The following MST1R variants were observed in gnomAD, a reference collection of about 807,000 sequenced individuals.
The protein encoded by MST1R is macrophage-stimulating protein receptor.
In MST1R, 99 loss-of-function variants were observed where a neutral mutation model predicts 117.8. The observed-to-expected ratio is 0.84, with a 90% CI of 0.71 to 0.99. The LOEUF (loss-of-function observed/expected upper bound fraction) is 0.99, where lower values mean the gene tolerates loss of function less well. Among genes scored for constraint, MST1R ranks in the 50% least tolerant of loss-of-function variants. The pLI is 0.00. For missense variants in MST1R, 1,683 were observed against 1,840.2 expected (o/e 0.91, Z 1.56); for synonymous variants, 734 against 765.3 (o/e 0.96, Z 0.68).
rs2082341877 is a variant in MST1R at position 49,892,436 on chromosome 3, A to G, written c.3272-598T>C. On this transcript the variant is annotated intron_variant, in intron 14 of 19. Coordinates refer to ENST00000296474, the MANE Select transcript of MST1R (RefSeq NM_002447.4). Reference sequence around the variant, plus strand: ...CAGCTGCTTGGGAGCCTGAGGCAGGAGGATAGCTTGAACCCGGGAGGCAGA... The same window carrying G: ...CAGCTGCTTGGGAGCCTGAGGCAGGGGGATAGCTTGAACCCGGGAGGCAGA... 2.0e-5 allele frequency among the ~76,000 whole-genome samples: 3 copies of G among 151,764 alleles called. No individual in the cohort carries two copies. The South Asian group carries it at 6.2e-4, about 32-fold the overall frequency.
chr3:49,898,219 G>T lies in MST1R; in HGVS notation c.1720-8C>A. 6.2e-7 allele frequency: 1 copy of T among 1,613,428 alleles called. No individual in the cohort carries two copies. Among genetic ancestry groups the T allele is most frequent in the Non-Finnish European group, 8.5e-7 (1 of 1,179,882 alleles). ...TCCACTGTGGGGGTGGAACTGAAATGGGGGAAACAGCCTGAGTCCTCATGT... is the reference window on the plus strand; with the variant it reads ...TCCACTGTGGGGGTGGAACTGAAATTGGGGAAACAGCCTGAGTCCTCATGT... On this transcript the variant is annotated splice_region_variant and splice_polypyrimidine_tract_variant and intron_variant, in intron 4 of 19. Coordinates refer to ENST00000296474, the MANE Select transcript of MST1R (RefSeq NM_002447.4).
intron 1 of MST1R, among the ~76,000 whole-genome samples, chr3:49,901,386 T>C (rs1488173920): frequency 6.6e-6 from 1 of 152,174 alleles, no homozygotes; most frequent in Non-Finnish European, 1.5e-5. Context: ...TTACTGCTGT[T>C]GCCTACACGA....
rs1248110179 is a variant in MST1R at position 49,902,515 on chromosome 3, GAC to G, written c.1093_1094del (p.Val365ArgfsTer7). ...DGGPGVGPNS[V>X]VCAFPIDLLD... ...GCAGGTCAATGGGGAAGGCACAGAC[GAC>G]AGAGTTGGGGCCCACGCCAGGACCA... On this transcript the variant is annotated frameshift_variant, in exon 1 of 20. Transcript: ENST00000296474. LOFTEE classifies it high-confidence loss of function. 1.2e-6 allele frequency: 2 copies of G among 1,614,006 alleles called. No individual in the cohort carries two copies. Among genetic ancestry groups the G allele is most frequent in the Non-Finnish European group, 1.7e-6 (2 of 1,180,066 alleles).
chr3:49,902,459 C>T lies in MST1R; in HGVS notation c.1151G>A (p.Arg384His), dbSNP rs367939408. 17 of 1,614,052 alleles carry T rather than the reference C, an allele frequency of 1.1e-5. No homozygotes were observed. In the African/African-American group the frequency reaches 1.2e-4, roughly 11 times the overall value. The change falls in exon 1 of 20, where the codon CGC becomes CAC. Residue 384 changes from arginine (R) to histidine (H), a missense_variant. Coordinates refer to ENST00000296474, the MANE Select transcript of MST1R (RefSeq NM_002447.4). ...LDTLIDEGVE[R>H]CCESPVHPGL... is the part of the protein sequence containing the mutation. ...TGGATGGACTGGGGATTCACAACAG[C>T]GCTCCACACCCTCATCAATTAGTGT... is the stretch of plus-strand genomic sequence containing the variant.
At chr3:49,892,483 T>C (rs1299788062) in intron 14 of MST1R, among the ~76,000 whole-genome samples, 2 of 149,000 alleles carry the variant, frequency 1.3e-5, no homozygotes. Flanking sequence ...GCCAAGATCG[T>C]GTCACTGCAC....
chr3:49,889,819 G>T (rs2082261148), intron 19 of MST1R, 105 bp downstream of exon 19: 1 of 1,411,972 alleles, frequency 7.1e-7, no homozygotes, highest in Non-Finnish European at 9.8e-7. Flanking sequence ...CCCTTTCCTA[G>T]TCAACCAGAA....
chr3:49,903,015 C>T lies in MST1R; in HGVS notation c.595G>A (p.Val199Met), dbSNP rs748625701. 2.5e-6 allele frequency: 4 copies of T among 1,612,890 alleles called. No homozygotes were observed. Among genetic ancestry groups the T allele is most frequent in the Non-Finnish European group, 2.5e-6 (3 of 1,180,038 alleles). Reference protein sequence around the residue: ...VEQGQASYFYVASSLDAAVAA... With the variant: ...VEQGQASYFYMASSLDAAVAA... Reference sequence around the variant, plus strand: ...ACGGCTGCGTCCAGTGAGGATGCCACGTAGAAATAGGAGGCCTGGCCTTGC... The same window carrying T: ...ACGGCTGCGTCCAGTGAGGATGCCATGTAGAAATAGGAGGCCTGGCCTTGC... Residue 199 changes from valine (V) to methionine (M), a missense_variant, in exon 1 of 20, where the codon GTG (valine) becomes ATG (methionine). Transcript: ENST00000296474.
In MST1R at chr3:49,896,562, C is replaced by T. The variant is rs778446100; in HGVS notation, c.2417G>A (p.Gly806Glu). ...AWHLVLSFHD[G>E]LRAVESRCER... ...CACCCTGCTTTCCACTGCCCTAAGC[C>T]CGTCATGGAATGACAGCACTAAGTG... Residue 806 changes from glycine to glutamate, a missense_variant, in exon 9 of 20, where the codon GGG (glycine) becomes GAG (glutamate). By Grantham distance (98) the Gly-to-Glu change is moderately conservative. Coordinates refer to ENST00000296474, the MANE Select transcript of MST1R (RefSeq NM_002447.4). 6.2e-7 allele frequency: 1 copy of T among 1,614,188 alleles called. No individual in the cohort carries two copies. Among genetic ancestry groups the T allele is most frequent in the Non-Finnish European group, 8.5e-7 (1 of 1,180,028 alleles).
In MST1R at chr3:49,897,554, T is replaced by C. The variant is rs771321348; in HGVS notation, c.2012A>G (p.Asp671Gly). The change falls in exon 6 of 20, where the codon GAC (aspartate) becomes GGC (glycine). Residue 671 changes from aspartate to glycine, a missense_variant. Physicochemically the swap from Asp to Gly is moderately conservative, Grantham distance 94. Coordinates refer to ENST00000296474, the MANE Select transcript of MST1R (RefSeq NM_002447.4). ...GAAGCCTCTCAGCACGGAGGTGCCGTCTACCCGGAAGTGCTTGCCCGGTGG... is the reference window on the plus strand; with the variant it reads ...GAAGCCTCTCAGCACGGAGGTGCCGCCTACCCGGAAGTGCTTGCCCGGTGG... ...NMPPGKHFRV[D>G]GTSVLRGFSF... The C allele has an allele frequency of 1.2e-6, 2 of 1,614,016 alleles. No homozygotes were observed. Among genetic ancestry groups the C allele is most frequent in the South Asian group, 1.1e-5 (1 of 91,080 alleles).
In MST1R at chr3:49,895,152, A is replaced by T; in HGVS notation, c.3271+15T>A. 1 of 1,613,332 alleles carries T rather than the reference A, an allele frequency of 6.2e-7. No individual in the cohort carries two copies. The highest frequency in any genetic ancestry group is 1.1e-5 in the South Asian group (1 of 91,042). ...GAGACTCCATCTCTGCCCCAGCCCC[A>T]CCTGGCCCCCACACCTTTGCCAATG... On this transcript the variant is annotated intron_variant, in intron 14 of 19. Coordinates refer to ENST00000296474, the MANE Select transcript of MST1R (RefSeq NM_002447.4).
At position 49,891,585 on chromosome 3, in the gene MST1R, A is replaced by G. The variant is rs1559469072; in HGVS notation, c.3353-5T>C. On this transcript the variant is annotated splice_polypyrimidine_tract_variant and splice_region_variant and intron_variant, in intron 15 of 19. Coordinates refer to ENST00000296474, the MANE Select transcript of MST1R (RefSeq NM_002447.4). ...CCTGCTGCATCTCTGTGATGCCTGC[A>G]GAGCAGCGCAAGTCAGGCACAGGGC... 6.2e-7 allele frequency: 1 copy of G among 1,613,698 alleles called. No homozygotes were observed. Among genetic ancestry groups the G allele is most frequent in the Admixed American group, 1.7e-5 (1 of 60,028 alleles).
intron 1 of MST1R, among the ~76,000 whole-genome samples, chr3:49,901,652 CCCCCAATCAT>C: frequency 6.6e-6 from 1 of 152,066 alleles, no homozygotes; most frequent in South Asian, 2.1e-4. Context: ...CCCCCAATCA[CCCCCAATCAT>C]GGCAAAAACG....
intron 7 of MST1R, 48 bp from the exon 8 acceptor site, chr3:49,896,938 C>T: frequency 6.9e-7 from 1 of 1,451,258 alleles, no homozygotes; most frequent in Admixed American, 2.8e-5. Context: ...TTGTGATGGC[C>T]AGGCCCACTT....
rs367999599 is a variant in MST1R at position 49,895,202 on chromosome 3, C to T, written c.3236G>A (p.Arg1079Gln). 1.9e-5 allele frequency: 31 copies of T among 1,614,052 alleles called. No homozygotes were observed. In the Middle Eastern group the frequency reaches 5.0e-4, roughly 26 times the overall value. ...EVKDVLIPHE[R>Q]VVTHSDRVIG... ...GACTCGGTCACTGTGGGTGACCACCCGCTCATGGGGAATCAGCACATCCTT... is the reference window on the plus strand; with the variant it reads ...GACTCGGTCACTGTGGGTGACCACCTGCTCATGGGGAATCAGCACATCCTT... The change falls in exon 14 of 20, where the codon CGG becomes CAG. Residue 1079 changes from arginine to glutamine, a missense_variant. Arg to Gln is a conservative substitution (Grantham distance 43, BLOSUM62 1). Coordinates refer to ENST00000296474, the MANE Select transcript of MST1R (RefSeq NM_002447.4).
chr3:49,889,622 G>T (rs2082255231), intron 19 of MST1R, among the ~76,000 whole-genome samples: 2 of 152,162 alleles, frequency 1.3e-5, no homozygotes, highest in African/African-American at 4.8e-5. Context: ...AGAGGAAAAG[G>T]TGGAAAGCAG....
chr3:49,889,825 C>A, intron 19 of MST1R, 99 bp downstream of exon 19: 1 of 1,464,414 alleles, frequency 6.8e-7, no homozygotes, highest in South Asian at 1.2e-5. Context: ...CCTAGTCAAC[C>A]AGAAGTTCAG....
Position 49,898,850 on chromosome 3 carries a change from G to C in MST1R, c.1548+17C>G, listed in dbSNP as rs781126849. ...TCCCACAACCCTGGCCCCAGGCCCT[G>C]CCCCTGCCCACCTCACCTGGTCCCC... On this transcript the variant is annotated intron_variant, in intron 3 of 19. Transcript: ENST00000296474. 1 of 1,613,858 alleles carries C rather than the reference G, an allele frequency of 6.2e-7. No individual in the cohort carries two copies. Among genetic ancestry groups the C allele is most frequent in the Non-Finnish European group, 8.5e-7 (1 of 1,179,954 alleles).
rs375872959 is a variant in MST1R, at chr3:49,891,493, A to G, written c.3440T>C (p.Ile1147Thr). The G allele has an allele frequency of 2.1e-5, 34 of 1,613,878 alleles. No homozygotes were observed. In the African/African-American group the frequency reaches 2.8e-4, roughly 13 times the overall value. Residue 1147 changes from isoleucine to threonine, a missense_variant, in exon 16 of 20, where the codon ATT becomes ACT. Transcript: ENST00000296474. ...GCCCTCAGGTGGCAACATGATACCA[A>G]TGAGAGCCAGCACATTCGGGTGGTT... is the stretch of plus-strand genomic sequence containing the variant. ...GLNHPNVLAL[I>T]GIMLPPEGLP...
Position 49,892,668 on chromosome 3 carries a change from T to TAA in MST1R, c.3272-832_3272-831dup, listed in dbSNP as rs34713786. Among the ~76,000 whole-genome samples the TAA allele has an allele frequency of 6.7e-5, 9 of 135,300 alleles. No individual in the cohort carries two copies. In the South Asian group the frequency reaches 2.0e-3, roughly 30 times the overall value. The allele number at this position is 135,300 out of a possible 152,430, so 88.8% of individuals were successfully genotyped here. On this transcript the variant is annotated intron_variant, in intron 14 of 19. Coordinates refer to ENST00000296474, the MANE Select transcript of MST1R (RefSeq NM_002447.4). Reference sequence around the variant, plus strand: ...GTGAGATGCTGTCTTTTTTTTAAATTAAAAAAAAAAAAAAAAGGCTCATGC... The same window carrying TAA: ...GTGAGATGCTGTCTTTTTTTTAAATTAAAAAAAAAAAAAAAAAAGGCTCATGC...
Sources: allele counts gnomAD v4.1 joint callset (sites outside exome capture counted in the v4.1 genomes callset), GRCh38; gene constraint gnomAD v4.1.1; transcripts MANE v1.5; gene names NCBI Gene and HGNC (gene_info 2026-07-23, HGNC 2026-07-21).